Variants in NEBL observed in about 807,000 individuals in gnomAD.
NEBL encodes LIM and SH3 protein 2.
NEBL carries 122 observed loss-of-function variants against 140.2 expected under a neutral mutation model. The ratio of observed to expected loss-of-function variants is 0.87; its 90% CI spans 0.75 to 1.01. The LOEUF is 1.01. NEBL is among the 50% of genes least tolerant of loss of function. NEBL has a pLI of 0.00. For synonymous variants in NEBL, 436 were observed against 398.9 expected (o/e 1.09, Z -1.11); for missense variants, 1,365 against 1,231.3 (o/e 1.11, Z -1.62).
At chr10:20,852,284 C>A (rs983949674) in intron 10 of NEBL, among the ~76,000 whole-genome samples, 1 of 152,100 alleles carries the variant, frequency 6.6e-6, no homozygotes, top group Admixed American at 6.6e-5. Flanking sequence ...TAATTCCTAT[C>A]TTGTAACTTT....
intron 18 of NEBL, among the ~76,000 whole-genome samples, chr10:20,824,623 T>G (rs781051541): frequency 1.3e-5 from 2 of 152,222 alleles, no homozygotes; most frequent in Non-Finnish European, 2.9e-5. Flanking sequence ...ATTTGAATAC[T>G]AAGCAGGAGT....
intron 3 of NEBL, among the ~76,000 whole-genome samples, chr10:21,227,724 TTCTTC>T: frequency 2.7e-4 from 24 of 88,276 alleles, no homozygotes; most frequent in African/African-American, 8.6e-4. Context: ...CTTCTTCTTC[TTCTTC>T]TTCTTCTTCT....
intron 15 of NEBL, 37 bp downstream of exon 15, chr10:20,831,436 C>T: frequency 6.4e-7 from 1 of 1,550,412 alleles, no homozygotes; most frequent in Non-Finnish European, 8.9e-7. Context: ...TGATTCACGG[C>T]ATTTATTTTA....
At chr10:21,185,371 G>A (rs1384178014) in intron 3 of NEBL, among the ~76,000 whole-genome samples, 1 of 152,030 alleles carries the variant, frequency 6.6e-6, no homozygotes, top group Non-Finnish European at 1.5e-5. Context: ...GGAACTCCTG[G>A]GGGTCAGGGA....
chr10:20,969,603 T>A (rs1032216504), intron 3 of NEBL, among the ~76,000 whole-genome samples: 1 of 149,370 alleles, frequency 6.7e-6, no homozygotes, highest in African/African-American at 2.5e-5. Flanking sequence ...TGGAGTGCAG[T>A]GGCACAATCT....
chr10:20,866,147 G>A (rs1413353725), intron 7 of NEBL, among the ~76,000 whole-genome samples: 1 of 152,082 alleles, frequency 6.6e-6, no homozygotes, highest in Non-Finnish European at 1.5e-5. Flanking sequence ...ACCCTAAAAT[G>A]CTTCCTATAA....
At chr10:21,190,132 A>G (rs1392522404) in intron 3 of NEBL, among the ~76,000 whole-genome samples, 1 of 152,166 alleles carries the variant, frequency 6.6e-6, no homozygotes, top group African/African-American at 2.4e-5. Flanking sequence ...ACAAAACTTG[A>G]CATATTATAG....
intron 2 of NEBL, among the ~76,000 whole-genome samples, chr10:21,080,339 C>T (rs955002551): frequency 6.6e-6 from 1 of 152,284 alleles, no homozygotes; most frequent in Non-Finnish European, 1.5e-5. Flanking sequence ...GTGCATGAGA[C>T]ATATATTTTT....
chr10:20,856,460 G>T (rs1843084205), intron 9 of NEBL, among the ~76,000 whole-genome samples: 1 of 152,118 alleles, frequency 6.6e-6, no homozygotes, highest in South Asian at 2.1e-4. Flanking sequence ...TTTAAGTATG[G>T]CTAGAGAAAG....
At chr10:20,924,674 T>C (rs1312568650) in intron 4 of NEBL, among the ~76,000 whole-genome samples, 1 of 150,248 alleles carries the variant, frequency 6.7e-6, no homozygotes, top group African/African-American at 2.4e-5. Flanking sequence ...AAAAATAAGG[T>C]GAGGGAAGGT....
intron 4 of NEBL, among the ~76,000 whole-genome samples, chr10:20,910,630 G>A (rs1312249958): frequency 6.6e-6 from 1 of 152,074 alleles, no homozygotes; most frequent in East Asian, 1.9e-4. Flanking sequence ...CAACACAGAA[G>A]GAGTCCTAAG....
chr10:21,277,628 G>C (rs1842941178), intron 1 of NEBL, among the ~76,000 whole-genome samples: 1 of 152,142 alleles, frequency 6.6e-6, no homozygotes. Context: ...AGTCATTGGT[G>C]CTACCCAGTG....
chr10:21,039,997 A>G (rs1834197036), intron 2 of NEBL, among the ~76,000 whole-genome samples: 1 of 152,242 alleles, frequency 6.6e-6, no homozygotes, highest in South Asian at 2.1e-4. Context: ...TTACACAGCC[A>G]GAGAATATTT....
chr10:20,926,015 C>G (rs1359588220), intron 4 of NEBL, among the ~76,000 whole-genome samples: 2 of 152,108 alleles, frequency 1.3e-5, no homozygotes, highest in Non-Finnish European at 2.9e-5. Flanking sequence ...CAGCCTGCCA[C>G]CAGTAAATTG....
At position 21,207,131 on chromosome 10, in the gene NEBL, G is replaced by A. The variant is rs144145211; in HGVS notation, n.349-34654C>T. On this transcript the variant is annotated intron_variant and non_coding_transcript_variant, in intron 3 of 8. Coordinates refer to the NEBL transcript ENST00000675702. ...TGGGATTACACACACCCACTACCAC[G>A]CCTGGCTAATTTTTGTATTTGTAGT... 6.5e-3 allele frequency among the ~76,000 whole-genome samples: 990 copies of A among 151,734 alleles called. 5 individuals are homozygous for A. Among genetic ancestry groups the A allele is most frequent in the African/African-American group, 0.023 (948 of 41,368 alleles).
intron 2 of NEBL, among the ~76,000 whole-genome samples, chr10:21,092,797 T>C (rs1396076508): frequency 6.6e-6 from 1 of 152,140 alleles, no homozygotes; most frequent in Non-Finnish European, 1.5e-5. Context: ...TGATATTTCT[T>C]ATGAAGAATG....
At chr10:21,289,648 A>G (rs141424157) in intron 1 of NEBL, among the ~76,000 whole-genome samples, 1 of 152,312 alleles carries the variant, frequency 6.6e-6, no homozygotes, top group Non-Finnish European at 1.5e-5. Flanking sequence ...TCATGGAAGT[A>G]AGCCTGGTCT....
intron 3 of NEBL, among the ~76,000 whole-genome samples, chr10:21,182,192 T>C (rs1477316600): frequency 1.3e-5 from 2 of 151,404 alleles, no homozygotes; most frequent in Non-Finnish European, 2.9e-5. Flanking sequence ...CATTTTAGGG[T>C]TGGGCACGGT....
At chr10:20,817,719 CAGAT>C (rs1424219724) in intron 20 of NEBL, 27 bp from the exon 21 acceptor site, 1 of 1,525,576 alleles carries the variant, frequency 6.6e-7, no homozygotes, top group African/African-American at 1.4e-5. Flanking sequence ...AGAACTTTAA[CAGAT>C]AGCACAATGG....
Sources: gnomAD v4.1 joint callset for allele counts (sites outside exome capture counted in the v4.1 genomes callset) on GRCh38, gnomAD v4.1.1 for gene constraint, MANE v1.5 for transcripts, NCBI Gene and HGNC (gene_info 2026-07-23, HGNC 2026-07-21) for gene names.